The following UEVLD variants were observed in gnomAD, a reference collection of about 807,000 sequenced individuals.
UEVLD encodes the protein UEV and lactate/malate dehyrogenase domains, also known as ubiquitin-conjugating enzyme E2 variant 3.
In UEVLD, 47 loss-of-function variants were observed where a neutral mutation model predicts 58.6. The observed-to-expected ratio is 0.80, with a 90% CI of 0.63 to 1.02. The LOEUF (loss-of-function observed/expected upper bound fraction) is 1.02, where lower values mean the gene tolerates loss of function less well. Among genes scored for constraint, UEVLD ranks in the 50% least tolerant of loss-of-function variants. The pLI, the probability that UEVLD is intolerant of heterozygous loss-of-function variation, is 0.00. For missense variants in UEVLD, 510 were observed against 550.6 expected (o/e 0.93, Z 0.74); for synonymous variants, 197 against 195.3 (o/e 1.01, Z -0.07).
chr11:18,580,156 T>C (rs756623503), intron 1 of UEVLD, among the ~76,000 whole-genome samples: 2 of 149,986 alleles, frequency 1.3e-5, no homozygotes, highest in African/African-American at 2.5e-5. Flanking sequence ...GGTGGATTCA[T>C]ACTATAATCA....
chr11:18,563,678 C>A, intron 6 of UEVLD: 1 of 985,168 alleles, frequency 1.0e-6, no homozygotes, highest in Non-Finnish European at 1.2e-6. Flanking sequence ...TATTTAGTGA[C>A]AAAAGACTGA....
chr11:18,569,604 C>A (rs1391907080), intron 4 of UEVLD, among the ~76,000 whole-genome samples: 1 of 149,108 alleles, frequency 6.7e-6, no homozygotes, highest in African/African-American at 2.5e-5. Context: ...TACGCAATAT[C>A]CTTATGCTGT....
chr11:18,553,823 T>C (rs1474433086), intron 7 of UEVLD, among the ~76,000 whole-genome samples: 1 of 152,180 alleles, frequency 6.6e-6, no homozygotes, highest in African/African-American at 2.4e-5. Flanking sequence ...AGATTAGTAG[T>C]TGCCAGAACC....
intron 8 of UEVLD, 70 bp from the exon 9 acceptor site, chr11:18,544,866 A>G: frequency 8.4e-7 from 1 of 1,197,378 alleles, no homozygotes; most frequent in Non-Finnish European, 1.1e-6. Context: ...GCTCACAAAT[A>G]TTTATTATTT....
chr11:18,581,476 G>T (rs1409735891), intron 1 of UEVLD, among the ~76,000 whole-genome samples: 1 of 152,080 alleles, frequency 6.6e-6, no homozygotes, highest in African/African-American at 2.4e-5. Flanking sequence ...TTGAGGTCAG[G>T]AGTTCGAGAA....
At chr11:18,568,023 T>C (rs75274626) in intron 4 of UEVLD, among the ~76,000 whole-genome samples, 8,184 of 152,140 alleles carry the variant, frequency 0.054, 482 homozygotes, top group African/African-American at 0.15. Context: ...ACCATGCTTG[T>C]AGTCCCAGCT....
At chr11:18,547,501 G>A (rs1399189041) in intron 7 of UEVLD, among the ~76,000 whole-genome samples, 2 of 152,118 alleles carry the variant, frequency 1.3e-5, no homozygotes, top group Admixed American at 1.3e-4. Flanking sequence ...CCAGAGTCTC[G>A]TGACAGAGTG....
chr11:18,541,096 G>T (rs35715013), intron 9 of UEVLD, among the ~76,000 whole-genome samples: 7,143 of 152,214 alleles, frequency 0.047, 226 homozygotes, highest in Non-Finnish European at 0.065. Context: ...TAGGGTAAGT[G>T]GTATATTTAT....
At chr11:18,583,702 C>T (rs1183354710) in intron 1 of UEVLD, among the ~76,000 whole-genome samples, 1 of 128,592 alleles carries the variant, frequency 7.8e-6, no homozygotes, top group Non-Finnish European at 1.6e-5. Context: ...ACTCTTGTTG[C>T]ACAGGATGGA....
Position 18,570,230 on chromosome 11 carries a change from AG to A in UEVLD, c.340del (p.Leu114SerfsTer14), listed in dbSNP as rs867222047. The A allele has an allele frequency of 6.2e-7, 1 of 1,600,470 alleles. No individual in the cohort carries two copies. Among genetic ancestry groups the A allele is most frequent in the Non-Finnish European group, 8.5e-7 (1 of 1,175,950 alleles). ...DAQGRIYLPY[L>X]QNWSHPKSVI... Reference sequence around the variant, plus strand: ...TGATCTTACATGGCTCCAGTTTTGGAGATAGGGCAAATATATTCTGCCTTGA... The same window carrying A: ...TGATCTTACATGGCTCCAGTTTTGGAATAGGGCAAATATATTCTGCCTTGA... On this transcript the variant is annotated frameshift_variant, in exon 4 of 12. Coordinates refer to ENST00000396197, the MANE Select transcript of UEVLD (RefSeq NM_001040697.4). LOFTEE classifies it high-confidence loss of function.
intron 7 of UEVLD, among the ~76,000 whole-genome samples, chr11:18,550,307 C>T (rs1306775797): frequency 6.6e-6 from 1 of 152,114 alleles, no homozygotes; most frequent in Admixed American, 6.5e-5. Context: ...TTTAAATTCT[C>T]CTACATAAAC....
chr11:18,536,442 ACTT>A lies in UEVLD; in HGVS notation c.1085_1087del (p.Glu362del), dbSNP rs747288621. 2.0e-4 allele frequency: 326 copies of A among 1,613,934 alleles called. No individual in the cohort carries two copies. Among genetic ancestry groups the A allele is most frequent in the Admixed American group, 1.2e-3 (73 of 60,020 alleles). ...CTGCACTTGAGAGGTATGACTCACT[ACTT>A]CTTCTTGGCCACTCCATGTGAGCAC... On this transcript the variant is annotated inframe_deletion, in exon 10 of 12. Coordinates refer to ENST00000396197, the MANE Select transcript of UEVLD (RefSeq NM_001040697.4).
intron 3 of UEVLD, among the ~76,000 whole-genome samples, chr11:18,572,300 T>C (rs1301997557): frequency 6.6e-6 from 1 of 152,196 alleles, no homozygotes; most frequent in Non-Finnish European, 1.5e-5. Flanking sequence ...GAAGAAAAAG[T>C]ATCATTATAA....
chr11:18,585,699 G>A (rs1204700335), intron 1 of UEVLD, among the ~76,000 whole-genome samples: 1 of 151,144 alleles, frequency 6.6e-6, no homozygotes, highest in Non-Finnish European at 1.5e-5. Context: ...GTGCAGTGGC[G>A]CATTCTCAGC....
At position 18,570,306 on chromosome 11, in the gene UEVLD, A is replaced by C. The variant is rs780092134; in HGVS notation, c.265T>G (p.Leu89Val). 4 of 1,595,292 alleles carry C rather than the reference A, an allele frequency of 2.5e-6. No individual in the cohort carries two copies. The African/African-American group carries it at 5.5e-5, about 22-fold the overall frequency. Reference protein sequence around the residue: ...SHPFAPPICFLKPTANMGILV... With the variant: ...SHPFAPPICFVKPTANMGILV... Reference sequence around the variant, plus strand: ...ATTCCCATATTTGCAGTTGGCTTCAAGAAGCAAATAGGGGGAGCGAAAGGG... The same window carrying C: ...ATTCCCATATTTGCAGTTGGCTTCACGAAGCAAATAGGGGGAGCGAAAGGG... The change falls in exon 4 of 12, where the codon TTG becomes GTG. Residue 89 changes from leucine (L) to valine (V), a missense_variant. Transcript: ENST00000396197.
Position 18,544,871 on chromosome 11 carries a change from T to C in UEVLD, c.887-75A>G, listed in dbSNP as rs569980179. 1.2e-4 allele frequency: 143 copies of C among 1,160,734 alleles called. No homozygotes were observed. In the Middle Eastern group the frequency reaches 1.5e-3, roughly 12 times the overall value. The allele number at this position is 1,160,734 out of a possible 1,614,324, so 71.9% of individuals were successfully genotyped here. A position where few individuals can be genotyped will look rare whatever the true frequency, so the allele number is the denominator to read the frequency against. ...TTCTAGCCTAGCTCACAAATATTTATTATTTTAATAAGTATATTAGGTCCT... is the reference window on the plus strand; with the variant it reads ...TTCTAGCCTAGCTCACAAATATTTACTATTTTAATAAGTATATTAGGTCCT... On this transcript the variant is annotated intron_variant, in intron 8 of 11. Transcript: ENST00000396197.
intron 7 of UEVLD, among the ~76,000 whole-genome samples, chr11:18,549,400 G>C (rs1008885371): frequency 4.6e-5 from 7 of 152,022 alleles, no homozygotes; most frequent in African/African-American, 1.7e-4. Context: ...ACATAGTAGT[G>C]GCTACCTAAT....
At chr11:18,545,610 A>G (rs890820177) in intron 8 of UEVLD, among the ~76,000 whole-genome samples, 1 of 150,850 alleles carries the variant, frequency 6.6e-6, no homozygotes, top group Non-Finnish European at 1.5e-5. Context: ...ACACTTGGCT[A>G]TTTTTTGTAT....
intron 10 of UEVLD, 97 bp downstream of exon 10, chr11:18,536,309 T>A: frequency 8.5e-7 from 1 of 1,175,950 alleles, no homozygotes; most frequent in Middle Eastern, 1.9e-4. Flanking sequence ...TAGTTTTGTT[T>A]CCAGAAGCCT....
Sources: allele counts gnomAD v4.1 joint callset (sites outside exome capture counted in the v4.1 genomes callset), GRCh38; gene constraint gnomAD v4.1.1; transcripts MANE v1.5; gene names NCBI Gene and HGNC (gene_info 2026-07-23, HGNC 2026-07-21).